Variants in GRIK2 observed in about 807,000 individuals in gnomAD.
The protein encoded by GRIK2 is glutamate receptor ionotropic, kainate 2.
GRIK2 carries 32 observed loss-of-function variants against 100.3 expected under a neutral mutation model. The observed-to-expected ratio is 0.32, with a 90% CI of 0.24 to 0.43. The LOEUF (loss-of-function observed/expected upper bound fraction) is 0.43, where lower values mean the gene tolerates loss of function less well. GRIK2 is among the 20% of genes least tolerant of loss of function. The probability of loss-of-function intolerance (pLI) is 1.00; values close to 1 mark genes in which losing one functional copy is unlikely to be tolerated. For missense variants in GRIK2, 843 were observed against 1,114.9 expected, an observed-to-expected ratio of 0.76 and a Z score of 3.47; for synonymous variants, 417 against 389.4, an observed-to-expected ratio of 1.07 and a Z score of -0.83.
chr6:101,891,686 A>G (rs1363894308), intron 12 of GRIK2: 1 of 344,112 alleles, frequency 2.9e-6, no homozygotes, highest in Non-Finnish European at 5.6e-6. Flanking sequence ...GCCTAAAACT[A>G]TGTATTGGAA....
intron 7 of GRIK2, among the ~76,000 whole-genome samples, chr6:101,770,871 C>A (rs1778357596): frequency 6.6e-6 from 1 of 152,006 alleles, no homozygotes; most frequent in African/African-American, 2.4e-5. Flanking sequence ...CCATTTTGTG[C>A]CTTTACAAAA....
At chr6:101,688,934 A>C (rs1019664436) in intron 7 of GRIK2, among the ~76,000 whole-genome samples, 11 of 152,006 alleles carry the variant, frequency 7.2e-5, no homozygotes, top group Admixed American at 3.9e-4. Flanking sequence ...AATACATAAA[A>C]TATTTTCATT....
intron 2 of GRIK2, among the ~76,000 whole-genome samples, chr6:101,514,344 T>C (rs891848611): frequency 6.6e-6 from 1 of 151,806 alleles, no homozygotes; most frequent in Non-Finnish European, 1.5e-5. Flanking sequence ...CGGACACACA[T>C]GGAGTGGTTT....
At chr6:101,935,664 A>G (rs964944213) in intron 14 of GRIK2, among the ~76,000 whole-genome samples, 6 of 151,884 alleles carry the variant, frequency 4.0e-5, no homozygotes, top group Non-Finnish European at 7.4e-5. Context: ...AAGAGCTTTG[A>G]GATTTGTGTT....
intron 4 of GRIK2, among the ~76,000 whole-genome samples, chr6:101,655,695 CAT>C (rs1782023964): frequency 6.6e-6 from 1 of 152,094 alleles, no homozygotes; most frequent in South Asian, 2.1e-4. Flanking sequence ...GGACCATAGA[CAT>C]GTACTTAGGG....
chr6:101,674,347 C>A (rs1024121087), intron 4 of GRIK2, among the ~76,000 whole-genome samples: 1 of 152,132 alleles, frequency 6.6e-6, no homozygotes, highest in Non-Finnish European at 1.5e-5. Flanking sequence ...ACTGCCACAC[C>A]TTTCAAAGTG....
At chr6:101,813,580 A>G (rs1781465252) in intron 9 of GRIK2, among the ~76,000 whole-genome samples, 3 of 152,214 alleles carry the variant, frequency 2.0e-5, no homozygotes, top group Admixed American at 1.3e-4. Flanking sequence ...TACAAATTAT[A>G]TCAAAATTAC....
At chr6:101,982,838 G>T (rs918164858) in intron 14 of GRIK2, among the ~76,000 whole-genome samples, 1 of 151,662 alleles carries the variant, frequency 6.6e-6, no homozygotes, top group Non-Finnish European at 1.5e-5. Flanking sequence ...TCTCATTGCA[G>T]CATGTAAGAA....
chr6:101,531,334 T>C (rs1775432947), intron 2 of GRIK2, among the ~76,000 whole-genome samples: 5 of 151,998 alleles, frequency 3.3e-5, no homozygotes, highest in Admixed American at 3.3e-4. Flanking sequence ...TCATCGTATA[T>C]ACGTATACAT....
chr6:101,438,074 A>G (rs1305850567), intron 2 of GRIK2, among the ~76,000 whole-genome samples: 1 of 152,142 alleles, frequency 6.6e-6, no homozygotes, highest in African/African-American at 2.4e-5. Context: ...GTCTTTCTAT[A>G]TCTACATATT....
intron 2 of GRIK2, among the ~76,000 whole-genome samples, chr6:101,492,152 T>C (rs2749061): frequency 0.6 from 91,140 of 151,346 alleles, 28,486 homozygotes; most frequent in African/African-American, 0.77. Flanking sequence ...TGATACTTTG[T>C]CTCCAGTTGA....
intron 2 of GRIK2, among the ~76,000 whole-genome samples, chr6:101,559,114 C>G (rs191485977): frequency 2.5e-3 from 379 of 152,144 alleles, no homozygotes; most frequent in African/African-American, 8.7e-3. Flanking sequence ...TATTTTCATA[C>G]TCATTTAGTT....
At chr6:101,527,544 T>C (rs901431513) in intron 2 of GRIK2, among the ~76,000 whole-genome samples, 15 of 152,188 alleles carry the variant, frequency 9.9e-5, no homozygotes, top group Admixed American at 2.0e-4. Context: ...TAGTTTGAAA[T>C]TGTTTTTATT....
At chr6:101,471,820 G>A (rs1453974209) in intron 2 of GRIK2, among the ~76,000 whole-genome samples, 2 of 151,868 alleles carry the variant, frequency 1.3e-5, no homozygotes, top group Non-Finnish European at 2.9e-5. Flanking sequence ...TAATTTGAGA[G>A]AAATCTTCCC....
intron 2 of GRIK2, among the ~76,000 whole-genome samples, chr6:101,587,256 C>G (rs1778421636): frequency 6.6e-6 from 1 of 152,020 alleles, no homozygotes; most frequent in Admixed American, 6.6e-5. Context: ...TTGGACAGAA[C>G]TATGCCCAAG....
intron 11 of GRIK2, among the ~76,000 whole-genome samples, chr6:101,864,922 A>T (rs562058300): frequency 1.3e-5 from 2 of 152,248 alleles, no homozygotes; most frequent in African/African-American, 2.4e-5. Context: ...AGTAACATTT[A>T]AAGTTTAGCT....
intron 2 of GRIK2, among the ~76,000 whole-genome samples, chr6:101,612,716 A>ATATG (rs372668116): frequency 1.4e-5 from 2 of 143,326 alleles, no homozygotes; most frequent in Non-Finnish European, 3.1e-5. Flanking sequence ...GTATGTGTTA[A>ATATG]TGTGTGTGTG....
intron 2 of GRIK2, among the ~76,000 whole-genome samples, chr6:101,571,703 G>C (rs1405433677): frequency 1.3e-5 from 2 of 152,090 alleles, no homozygotes; most frequent in Non-Finnish European, 2.9e-5. Context: ...ATAATTTGTA[G>C]AACTGTGCCT....
chr6:101,585,774 ATAAT>A (rs974166636), intron 2 of GRIK2, among the ~76,000 whole-genome samples: 4 of 152,138 alleles, frequency 2.6e-5, no homozygotes, highest in African/African-American at 9.7e-5. Flanking sequence ...GCAAATATAA[ATAAT>A]AGATGATTCA....
Sources: gnomAD v4.1 joint callset for allele counts (sites outside exome capture counted in the v4.1 genomes callset) on GRCh38, gnomAD v4.1.1 for gene constraint, MANE v1.5 for transcripts, NCBI Gene and HGNC (gene_info 2026-07-23, HGNC 2026-07-21) for gene names.